Variants in ALK observed in about 807,000 individuals in gnomAD.
ALK encodes the protein ALK receptor tyrosine kinase, also known as ALK tyrosine kinase receptor.
A neutral mutation model predicts 163.1 loss-of-function variants in ALK; 74 were observed. The observed-to-expected ratio is 0.45, with a 90% CI of 0.38 to 0.55. ALK has a LOEUF of 0.55. ALK is among the 20% of genes least tolerant of loss of function. The pLI, the probability that ALK is intolerant of heterozygous loss-of-function variation, is 0.00. For synonymous variants in ALK, 960 were observed against 843.2 expected, an observed-to-expected ratio of 1.14 and a Z score of -2.40; for missense variants, 2,063 against 2,105.3, an observed-to-expected ratio of 0.98 and a Z score of 0.39.
Position 29,285,398 on chromosome 2 carries a change from C to T in ALK, c.1818-9902G>A, listed in dbSNP as rs558576540. 1.2e-4 allele frequency among the ~76,000 whole-genome samples: 18 copies of T among 152,064 alleles called. No individual in the cohort carries two copies. In the East Asian group the frequency reaches 1.5e-3, roughly 13 times the overall value. On this transcript the variant is annotated intron_variant, in intron 9 of 28. Coordinates refer to ENST00000389048, the MANE Select transcript of ALK (RefSeq NM_004304.5). Reference sequence around the variant, plus strand: ...TCCCGAGTAGCTGGGATTACAGGTACGCCACCTTGCCCAGCTAATTTTTTA... The same window carrying T: ...TCCCGAGTAGCTGGGATTACAGGTATGCCACCTTGCCCAGCTAATTTTTTA...
intron 2 of ALK, among the ~76,000 whole-genome samples, chr2:29,713,180 T>C (rs1679157393): frequency 6.6e-6 from 1 of 152,194 alleles, no homozygotes; most frequent in South Asian, 2.1e-4. Context: ...GTGCACCCTA[T>C]ATGTGCCTGT....
At chr2:29,748,516 C>T (rs1005453285) in intron 1 of ALK, among the ~76,000 whole-genome samples, 10 of 151,990 alleles carry the variant, frequency 6.6e-5, no homozygotes, top group Admixed American at 5.9e-4. Flanking sequence ...AGGTGATGAA[C>T]ATGCCGCTGG....
intron 3 of ALK, among the ~76,000 whole-genome samples, chr2:29,678,085 A>G (rs1352048067): frequency 6.6e-6 from 1 of 152,000 alleles, no homozygotes; most frequent in Non-Finnish European, 1.5e-5. Context: ...GGTGTCATAT[A>G]TTGGCAAAAG....
chr2:29,650,998 G>A (rs578030149), intron 3 of ALK, among the ~76,000 whole-genome samples: 62 of 152,222 alleles, frequency 4.1e-4, no homozygotes, highest in African/African-American at 1.3e-3. Context: ...GTCGCCGCAC[G>A]GTGACTTGGA....
At chr2:29,868,561 G>C (rs1415901795) in intron 1 of ALK, among the ~76,000 whole-genome samples, 1 of 152,194 alleles carries the variant, frequency 6.6e-6, no homozygotes, top group East Asian at 1.9e-4. Context: ...AGACCTCACT[G>C]AGAAGGTGGT....
intron 1 of ALK, among the ~76,000 whole-genome samples, chr2:29,897,564 C>A (rs977183638): frequency 2.6e-5 from 4 of 152,096 alleles, no homozygotes; most frequent in African/African-American, 9.7e-5. Flanking sequence ...AGCAGGATTT[C>A]CCTGATGGCT....
chr2:29,792,132 C>CT (rs2148358044), intron 1 of ALK, among the ~76,000 whole-genome samples: 1 of 152,210 alleles, frequency 6.6e-6, no homozygotes, highest in Non-Finnish European at 1.5e-5. Context: ...TAGTTTTAAC[C>CT]TTTTTTGTTA....
chr2:29,612,240 T>A (rs971055418), intron 3 of ALK, among the ~76,000 whole-genome samples: 5 of 152,190 alleles, frequency 3.3e-5, no homozygotes, highest in African/African-American at 1.2e-4. Context: ...CATCTCTGAT[T>A]TTGAAAATGA....
intron 8 of ALK, among the ~76,000 whole-genome samples, chr2:29,301,371 T>C (rs1381459842): frequency 6.6e-6 from 1 of 152,198 alleles, no homozygotes; most frequent in East Asian, 1.9e-4. Flanking sequence ...GGTCATGAAT[T>C]CCTTCAAGGC....
chr2:29,207,080 C>T (rs2148151666), intron 26 of ALK, 91 bp downstream of exon 26: 1 of 979,148 alleles, frequency 1.0e-6, no homozygotes. Context: ...CCTACTAACA[C>T]ACGGGCTCCC....
At chr2:29,789,053 G>GTGTGTGTGTGTGTC (rs1283319324) in intron 1 of ALK, among the ~76,000 whole-genome samples, 1 of 149,980 alleles carries the variant, frequency 6.7e-6, no homozygotes, top group Non-Finnish European at 1.5e-5. Context: ...GTGTGTGTGT[G>GTGTGTGTGTGTGTC]TGTCTGTATG....
In ALK at chr2:29,209,786, C is replaced by T. The variant is rs1300517321; in HGVS notation, c.3836G>A (p.Arg1279Lys). 3 of 1,613,712 alleles carry T rather than the reference C, an allele frequency of 1.9e-6. No individual in the cohort carries two copies. Among genetic ancestry groups the T allele is most frequent in the Non-Finnish European group, 2.5e-6 (3 of 1,179,664 alleles). Reference sequence around the variant, plus strand: ...GAGGGGTGAGGCAGTCTTTACTCACCTGTAGATGTCTCGGGCCATCCCGAA... The same window carrying T: ...GAGGGGTGAGGCAGTCTTTACTCACTTGTAGATGTCTCGGGCCATCCCGAA... ...GDFGMARDIYRASYYRKGGCA... is the reference protein window; with the variant it reads ...GDFGMARDIYKASYYRKGGCA... Residue 1279 changes from arginine to lysine, a missense_variant and splice_region_variant, in exon 25 of 29, where the codon AGG (arginine) becomes AAG (lysine). By Grantham distance (26) the Arg-to-Lys change is conservative (BLOSUM62 2). Around this residue, in one of 5 missense-constraint regions of ALK, gnomAD observed 83 missense variants for 139.7 expected, o/e 0.59. Coordinates refer to ENST00000389048, the MANE Select transcript of ALK (RefSeq NM_004304.5).
At chr2:29,644,966 C>G (rs952973358) in intron 3 of ALK, among the ~76,000 whole-genome samples, 1 of 152,136 alleles carries the variant, frequency 6.6e-6, no homozygotes, top group African/African-American at 2.4e-5. Context: ...CCAGGCCAAG[C>G]ACCCAATGTC....
intron 1 of ALK, among the ~76,000 whole-genome samples, chr2:29,917,688 A>C (rs367770677): frequency 6.3e-4 from 96 of 152,304 alleles, no homozygotes; most frequent in African/African-American, 2.2e-3. Context: ...GAAAGGAGAG[A>C]CCAGGCTGTT....
intron 1 of ALK, among the ~76,000 whole-genome samples, chr2:29,851,119 C>T (rs546211464): frequency 1.3e-5 from 2 of 152,174 alleles, no homozygotes; most frequent in African/African-American, 4.8e-5. Flanking sequence ...TGCCTTCTCC[C>T]GAATTAGAGT....
At chr2:29,758,605 G>A (rs576004187) in intron 1 of ALK, among the ~76,000 whole-genome samples, 2 of 152,112 alleles carry the variant, frequency 1.3e-5, no homozygotes, top group African/African-American at 4.8e-5. Context: ...CAGGCACCTG[G>A]CCCTCTCCTT....
rs1337143722 is a variant in ALK at position 29,920,043 on chromosome 2, G to A, written c.617C>T (p.Ala206Val). 1 of 1,614,190 alleles carries A rather than the reference G, an allele frequency of 6.2e-7. No individual in the cohort carries two copies. Among genetic ancestry groups the A allele is most frequent in the Non-Finnish European group, 8.5e-7 (1 of 1,180,052 alleles). The stretch of plus-strand genomic sequence containing the variant: ...GCGGGGCTGGGAGGCGCGAATTGCC[G>A]CGGACAGCCTTCCCTCTCTGCCCAC... ...SEVGREGRLS[A>V]AIRASQPRLL... Residue 206 changes from alanine to valine, a missense_variant, in exon 1 of 29, where the codon GCG (alanine) becomes GTG (valine). Coordinates refer to ENST00000389048, the MANE Select transcript of ALK (RefSeq NM_004304.5).
chr2:29,819,805 T>C (rs1413993333), intron 1 of ALK, among the ~76,000 whole-genome samples: 2 of 152,128 alleles, frequency 1.3e-5, no homozygotes, highest in Non-Finnish European at 2.9e-5. Context: ...CACTAAAAGG[T>C]GTTACTGGAA....
At chr2:29,343,833 G>T (rs1294713893) in intron 5 of ALK, among the ~76,000 whole-genome samples, 1 of 152,148 alleles carries the variant, frequency 6.6e-6, no homozygotes, top group Non-Finnish European at 1.5e-5. Context: ...CTTCAGACTG[G>T]CAGGTCCCCA....
Sources: allele counts gnomAD v4.1 joint callset (sites outside exome capture counted in the v4.1 genomes callset), GRCh38; gene constraint gnomAD v4.1.1; regional missense constraint gnomAD v4.1.1; transcripts MANE v1.5; gene names NCBI Gene and HGNC (gene_info 2026-07-23, HGNC 2026-07-21).